The following SORCS3 variants were observed in gnomAD, a reference collection of about 807,000 sequenced individuals.
The protein encoded by SORCS3 is VPS10 domain-containing receptor SorCS3.
SORCS3 carries 57 observed loss-of-function variants against 146.3 expected under a neutral mutation model. That is an observed-to-expected ratio of 0.39 (90% CI 0.31 to 0.49). SORCS3 has a LOEUF of 0.49. Among genes scored for constraint, SORCS3 ranks in the 20% least tolerant of loss-of-function variants. SORCS3 has a pLI of 0.92. For synonymous variants in SORCS3, 653 were observed against 618.5 expected, an observed-to-expected ratio of 1.06 and a Z score of -0.83; for missense variants, 1,341 against 1,575.5, an observed-to-expected ratio of 0.85 and a Z score of 2.52.
At chr10:104,962,574 C>T (rs747012591) in intron 3 of SORCS3, among the ~76,000 whole-genome samples, 6 of 152,148 alleles carry the variant, frequency 3.9e-5, no homozygotes, top group Non-Finnish European at 5.9e-5. Flanking sequence ...TTCACTACCC[C>T]ACCCTCATGA....
intron 5 of SORCS3, among the ~76,000 whole-genome samples, chr10:105,047,021 A>G (rs967979235): frequency 2.0e-5 from 3 of 151,730 alleles, no homozygotes; most frequent in Admixed American, 2.0e-4. Context: ...ATGGGGGAAA[A>G]GCTTTTCTGT....
At chr10:105,055,044 C>T (rs534899276) in intron 5 of SORCS3, among the ~76,000 whole-genome samples, 2 of 152,212 alleles carry the variant, frequency 1.3e-5, no homozygotes, top group East Asian at 1.9e-4. Context: ...GAATTTTTTT[C>T]AATATCCAGT....
At chr10:104,940,238 A>T (rs1169423071) in intron 3 of SORCS3, among the ~76,000 whole-genome samples, 407 of 31,364 alleles carry the variant, frequency 0.013, 7 homozygotes, top group East Asian at 0.034. Context: ...ATATATATAT[A>T]TTTTTTTTTT....
chr10:105,218,387 G>T (rs1042466236), intron 19 of SORCS3, among the ~76,000 whole-genome samples: 2 of 152,208 alleles, frequency 1.3e-5, no homozygotes, highest in Non-Finnish European at 2.9e-5. Context: ...ACAAAAATTT[G>T]TTGAAGTCTT....
chr10:104,685,958 C>G (rs756565910), intron 1 of SORCS3, among the ~76,000 whole-genome samples: 25 of 152,164 alleles, frequency 1.6e-4, no homozygotes, highest in Non-Finnish European at 3.4e-4. Context: ...TTGGGATTGC[C>G]CGGCTCCCTC....
chr10:104,881,117 T>C (rs998995336), intron 2 of SORCS3, among the ~76,000 whole-genome samples: 1 of 152,208 alleles, frequency 6.6e-6, no homozygotes, highest in African/African-American at 2.4e-5. Context: ...AGGAAACCCA[T>C]ATTTAATGCA....
chr10:104,743,129 T>C (rs761922615), intron 1 of SORCS3, among the ~76,000 whole-genome samples: 24 of 152,164 alleles, frequency 1.6e-4, no homozygotes, highest in Non-Finnish European at 2.8e-4. Flanking sequence ...AAATGCACTA[T>C]ACAAGTGAGT....
At chr10:105,028,480 C>T (rs2055244643) in intron 4 of SORCS3, among the ~76,000 whole-genome samples, 1 of 152,126 alleles carries the variant, frequency 6.6e-6, no homozygotes, top group Admixed American at 6.5e-5. Flanking sequence ...CGTGAAATGG[C>T]CCACCCAAGA....
intron 1 of SORCS3, among the ~76,000 whole-genome samples, chr10:104,697,980 C>T (rs1460174763): frequency 2.6e-5 from 4 of 152,188 alleles, no homozygotes; most frequent in Non-Finnish European, 5.9e-5. Flanking sequence ...TGGATGCTGC[C>T]TGCACCTGTT....
intron 1 of SORCS3, among the ~76,000 whole-genome samples, chr10:104,667,799 A>G (rs962890962): frequency 4.6e-5 from 7 of 152,212 alleles, no homozygotes; most frequent in African/African-American, 9.6e-5. Context: ...TTCTCTTAAT[A>G]CAACTGGTCC....
At chr10:105,066,804 C>T (rs1025089561) in intron 5 of SORCS3, among the ~76,000 whole-genome samples, 3 of 152,064 alleles carry the variant, frequency 2.0e-5, no homozygotes, top group Admixed American at 6.5e-5. Flanking sequence ...TTACTACTCA[C>T]CTTAGCCCCC....
At chr10:104,654,149 G>A (rs767957516) in intron 1 of SORCS3, among the ~76,000 whole-genome samples, 1 of 152,084 alleles carries the variant, frequency 6.6e-6, no homozygotes, top group Non-Finnish European at 1.5e-5. Flanking sequence ...CGTTTTTATG[G>A]CTGAATAATA....
intron 20 of SORCS3, among the ~76,000 whole-genome samples, chr10:105,235,709 T>C (rs1198023196): frequency 1.3e-5 from 2 of 151,952 alleles, no homozygotes; most frequent in African/African-American, 4.8e-5. Flanking sequence ...CAGTCTTTTT[T>C]AGGGAGGCAG....
intron 1 of SORCS3, among the ~76,000 whole-genome samples, chr10:104,791,237 G>A (rs114923757): frequency 1.3e-3 from 203 of 152,308 alleles, no homozygotes; most frequent in African/African-American, 4.7e-3. Flanking sequence ...GCTAGATCTT[G>A]GGGCAGGCTG....
chr10:104,776,846 A>G (rs1219657505), intron 1 of SORCS3, among the ~76,000 whole-genome samples: 1 of 151,862 alleles, frequency 6.6e-6, no homozygotes, highest in Non-Finnish European at 1.5e-5. Flanking sequence ...TAATAAAAAT[A>G]CAAGTACCCA....
intron 3 of SORCS3, among the ~76,000 whole-genome samples, chr10:104,972,558 C>A (rs998078310): frequency 6.6e-5 from 10 of 151,870 alleles, no homozygotes; most frequent in African/African-American, 2.4e-4. Context: ...GAGGGAGCTT[C>A]TCACAACTAA....
At chr10:104,737,653 T>A (rs912505854) in intron 1 of SORCS3, among the ~76,000 whole-genome samples, 1 of 152,098 alleles carries the variant, frequency 6.6e-6, no homozygotes, top group African/African-American at 2.4e-5. Context: ...AAATTTGAGT[T>A]CATTGTAGAT....
At chr10:105,221,644 G>A (rs896166538) in intron 19 of SORCS3, among the ~76,000 whole-genome samples, 1 of 152,136 alleles carries the variant, frequency 6.6e-6, no homozygotes, top group Non-Finnish European at 1.5e-5. Flanking sequence ...CCTTTGAACT[G>A]ACTTGTCTCC....
intron 4 of SORCS3, among the ~76,000 whole-genome samples, chr10:105,009,077 C>T (rs1215328550): frequency 6.6e-6 from 1 of 152,168 alleles, no homozygotes; most frequent in African/African-American, 2.4e-5. Flanking sequence ...TACTATATGT[C>T]AGTCATGTGC....
Sources: allele counts gnomAD v4.1 joint callset (sites outside exome capture counted in the v4.1 genomes callset), GRCh38; gene constraint gnomAD v4.1.1; transcripts MANE v1.5; gene names NCBI Gene and HGNC (gene_info 2026-07-23, HGNC 2026-07-21).